NR1H4: variants seen among roughly 807,000 people sequenced by gnomAD.
NR1H4 encodes bile acid receptor.
NR1H4 carries 23 observed loss-of-function variants against 58.5 expected under a neutral mutation model. That is an observed-to-expected ratio of 0.39 (90% CI 0.28 to 0.56). NR1H4 has a LOEUF of 0.56. Ranked by LOEUF, NR1H4 falls within the 20% of genes least tolerant of loss-of-function variation. The pLI is 0.58. For missense variants in NR1H4, 487 were observed against 576.9 expected, an observed-to-expected ratio of 0.84 and a Z score of 1.60; for synonymous variants, 214 against 198.0, an observed-to-expected ratio of 1.08 and a Z score of -0.68.
intron 3 of NR1H4, among the ~76,000 whole-genome samples, chr12:100,501,688 A>G (rs915384423): frequency 3.9e-5 from 6 of 152,228 alleles, no homozygotes; most frequent in Non-Finnish European, 5.9e-5. Flanking sequence ...ATGTCTTAGC[A>G]ATGATTATTC....
intron 4 of NR1H4, among the ~76,000 whole-genome samples, chr12:100,518,105 C>T (rs1464880707): frequency 1.3e-5 from 2 of 152,176 alleles, no homozygotes; most frequent in Admixed American, 6.5e-5. Flanking sequence ...GGATAGCTTA[C>T]CTCCTTAGAA....
At chr12:100,479,824 C>T (rs1215516812) in intron 1 of NR1H4, among the ~76,000 whole-genome samples, 2 of 152,218 alleles carry the variant, frequency 1.3e-5, no homozygotes, top group Non-Finnish European at 2.9e-5. Flanking sequence ...ACACTCCAAG[C>T]CCAGGCCCTT....
intron 9 of NR1H4, among the ~76,000 whole-genome samples, chr12:100,545,612 A>C (rs900740970): frequency 1.5e-5 from 2 of 134,612 alleles, no homozygotes; most frequent in Non-Finnish European, 3.1e-5. Flanking sequence ...ACTGTACTCC[A>C]GCCTGGGTGA....
chr12:100,536,947 G>A lies in NR1H4; in HGVS notation c.832-1G>A, dbSNP rs1053963172. ...TCATTGGTTTTTTTCTTAAAATTTA[G>A]TTAAAAGAAGAATTCAGTGCAGAAG... On this transcript the variant is annotated splice_acceptor_variant, in intron 7 of 10. Transcript: ENST00000392986. LOFTEE classifies it high-confidence loss of function. 1 of 1,526,686 alleles carries A rather than the reference G, an allele frequency of 6.6e-7. No individual in the cohort carries two copies. The highest frequency in any genetic ancestry group is 1.4e-5 in the African/African-American group (1 of 72,244). 94.6% of individuals were successfully genotyped at this position (1,526,686 alleles called of 1,614,324 possible).
intron 1 of NR1H4, among the ~76,000 whole-genome samples, chr12:100,488,906 G>T (rs1016986754): frequency 6.6e-6 from 1 of 152,130 alleles, no homozygotes; most frequent in Non-Finnish European, 1.5e-5. Context: ...GGAGCATATT[G>T]TTTTTCAAGG....
chr12:100,545,140 C>A (rs1044096447), intron 9 of NR1H4, among the ~76,000 whole-genome samples: 2 of 152,074 alleles, frequency 1.3e-5, no homozygotes, highest in African/African-American at 4.8e-5. Context: ...AAAAAAAAAT[C>A]TTTGCCTGGC....
intron 3 of NR1H4, among the ~76,000 whole-genome samples, chr12:100,504,913 A>G (rs1185179418): frequency 6.6e-6 from 1 of 152,194 alleles, no homozygotes; most frequent in African/African-American, 2.4e-5. Flanking sequence ...CAGAGGTAGG[A>G]GAGGTGAATT....
chr12:100,493,375 G>A lies in NR1H4; in HGVS notation c.52G>A (p.Glu18Lys), dbSNP rs867281723. Residue 18 changes from glutamate to lysine, a missense_variant, in exon 3 of 11, where the codon GAA (glutamate) becomes AAA (lysine). Glu to Lys is a moderately conservative substitution (Grantham distance 56). Transcript: ENST00000392986. ...IEHSHLPTTD[E>K]FSFSENLFGV... ...ACATTCCCATTTACCTACCACAGATGAATTTTCTTTTTCTGAAAATTTATT... is the reference window on the plus strand; with the variant it reads ...ACATTCCCATTTACCTACCACAGATAAATTTTCTTTTTCTGAAAATTTATT... 1 of 1,569,208 alleles carries A rather than the reference G, an allele frequency of 6.4e-7. No individual in the cohort carries two copies. Among genetic ancestry groups the A allele is most frequent in the Admixed American group, 1.7e-5 (1 of 58,046 alleles).
chr12:100,486,349 G>C (rs968062203), intron 1 of NR1H4, among the ~76,000 whole-genome samples: 1 of 152,106 alleles, frequency 6.6e-6, no homozygotes, highest in Admixed American at 6.5e-5. Context: ...TGGTGATATA[G>C]TAAAGACAAA....
At chr12:100,500,776 G>A (rs1181744086) in intron 3 of NR1H4, among the ~76,000 whole-genome samples, 1 of 152,098 alleles carries the variant, frequency 6.6e-6, no homozygotes, top group Non-Finnish European at 1.5e-5. Context: ...TTGAGGACAT[G>A]CTTTGCTGCC....
intron 3 of NR1H4, among the ~76,000 whole-genome samples, chr12:100,496,693 C>T (rs576997628): frequency 1.3e-4 from 20 of 152,276 alleles, no homozygotes; most frequent in African/African-American, 4.8e-4. Context: ...TCACTTGGTA[C>T]ACGGCTCAAC....
chr12:100,528,478 C>T (rs1409813792), intron 4 of NR1H4, among the ~76,000 whole-genome samples: 1 of 152,126 alleles, frequency 6.6e-6, no homozygotes, highest in Admixed American at 6.5e-5. Context: ...CCAGGGATCC[C>T]ATTGGTGCTA....
rs188784249 is a variant in NR1H4, at chr12:100,510,740, A to G, written c.80-38A>G. 1.4e-4 allele frequency: 229 copies of G among 1,612,974 alleles called. 1 individual carries two copies. In the African/African-American group the frequency reaches 2.8e-3, roughly 19 times the overall value. ...AACTGCCTCTCTAATTTCCAGAATG[A>G]TGACATTCATTCCAGTTTTGTTGTC... On this transcript the variant is annotated intron_variant, in intron 3 of 10. Coordinates refer to ENST00000392986, the MANE Select transcript of NR1H4 (RefSeq NM_001206979.2).
At chr12:100,511,233 G>C in intron 4 of NR1H4, 90 bp downstream of exon 4, 7 of 1,554,746 alleles carry the variant, frequency 4.5e-6, no homozygotes, top group Non-Finnish European at 6.2e-6. Flanking sequence ...CTTTTCCCAG[G>C]CAACTTCCCA....
At chr12:100,476,410 A>G (rs1654953588) in intron 1 of NR1H4, among the ~76,000 whole-genome samples, 1 of 152,228 alleles carries the variant, frequency 6.6e-6, no homozygotes, top group Admixed American at 6.5e-5. Flanking sequence ...CCCAGAGACC[A>G]GTCTAAGATA....
At chr12:100,498,566 A>G (rs527741793) in intron 3 of NR1H4, among the ~76,000 whole-genome samples, 1 of 152,078 alleles carries the variant, frequency 6.6e-6, no homozygotes, top group African/African-American at 2.4e-5. Context: ...TGAACCCAGG[A>G]GGCGGAGGTT....
intron 6 of NR1H4, 90 bp from the exon 7 acceptor site, chr12:100,536,422 T>C: frequency 1.3e-6 from 1 of 744,890 alleles, no homozygotes; most frequent in Non-Finnish European, 2.4e-6. Flanking sequence ...TTATGATTTC[T>C]GCTATTAGGT....
In NR1H4 at chr12:100,506,042, C is replaced by CAG. The variant is rs1209603063; in HGVS notation, c.80-4722_80-4721dup. Among the ~76,000 whole-genome samples, 655 of 117,430 alleles carry CAG rather than the reference C, an allele frequency of 5.6e-3. 2 individuals are homozygous for CAG. Among genetic ancestry groups the CAG allele is most frequent in the African/African-American group, 0.017 (476 of 28,568 alleles). The allele number at this position is 117,430 out of a possible 152,430, so 77.0% of individuals were successfully genotyped here. Reference sequence around the variant, plus strand: ...ACACACACACACACACACACACACACAGAGAGAGAGAGAGAACATGAGCAT... The same window carrying CAG: ...ACACACACACACACACACACACACACAGAGAGAGAGAGAGAGAACATGAGCAT... On this transcript the variant is annotated intron_variant, in intron 3 of 10. Coordinates refer to ENST00000392986, the MANE Select transcript of NR1H4 (RefSeq NM_001206979.2).
intron 1 of NR1H4, among the ~76,000 whole-genome samples, chr12:100,482,008 G>A (rs776711948): frequency 5.3e-5 from 8 of 152,126 alleles, no homozygotes; most frequent in Non-Finnish European, 1.0e-4. Flanking sequence ...AGGCTGAGGT[G>A]TGAGGATTGC....
Sources: gnomAD v4.1 joint callset for allele counts (sites outside exome capture counted in the v4.1 genomes callset) on GRCh38, gnomAD v4.1.1 for gene constraint, MANE v1.5 for transcripts, NCBI Gene and HGNC (gene_info 2026-07-23, HGNC 2026-07-21) for gene names.